Variants in POGZ observed in about 807,000 individuals in gnomAD.
POGZ encodes the protein pogo transposable element with ZNF domain.
A neutral mutation model predicts 134.6 loss-of-function variants in POGZ; 17 were observed. That is an observed-to-expected ratio of 0.13 (90% CI 0.09 to 0.19). POGZ has a LOEUF of 0.19. POGZ is among the 10% of genes least tolerant of loss of function. The pLI, the probability that POGZ is intolerant of heterozygous loss-of-function variation, is 1.00. For missense variants in POGZ, 1,306 were observed against 1,769.7 expected (o/e 0.74, Z 4.70); for synonymous variants, 693 against 657.1 (o/e 1.05, Z -0.84).
At chr1:151,443,915 T>C (rs570147854) in intron 1 of POGZ, among the ~76,000 whole-genome samples, 20 of 152,178 alleles carry the variant, frequency 1.3e-4, no homozygotes, top group Non-Finnish European at 2.2e-4. Flanking sequence ...GTCTTAGTAA[T>C]TCTGCTGCTA....
chr1:151,406,816 A>AC, intron 17 of POGZ, 95 bp downstream of exon 17: 1 of 1,017,884 alleles, frequency 9.8e-7, no homozygotes, highest in Non-Finnish European at 1.5e-6. Flanking sequence ...ACAGTGAATG[A>AC]GTGAGGCCAA....
intron 1 of POGZ, among the ~76,000 whole-genome samples, chr1:151,451,200 G>C (rs957285898): frequency 1.3e-5 from 2 of 150,510 alleles, no homozygotes; most frequent in African/African-American, 4.8e-5. Flanking sequence ...ATTCACATTA[G>C]TTATCAGCTG....
chr1:151,412,548 C>T (rs1202392297), intron 10 of POGZ, 152 bp from the exon 11 acceptor site: 1 of 585,930 alleles, frequency 1.7e-6, no homozygotes, highest in African/African-American at 1.9e-5. Flanking sequence ...ATGGCTCCAC[C>T]TTAACATATA....
chr1:151,434,553 T>C lies in POGZ; in HGVS notation c.284-3712A>G, dbSNP rs547749673. ...CCTCAGTGACAATTAATTCCATGAG[T>C]TTTCTTCTATACTTCAGACATCACA... On this transcript the variant is annotated intron_variant, in intron 3 of 18. Coordinates refer to ENST00000271715, the MANE Select transcript of POGZ (RefSeq NM_015100.4). Among the ~76,000 whole-genome samples the C allele has an allele frequency of 1.1e-4, 17 of 152,202 alleles. No individual in the cohort carries two copies. The South Asian group carries it at 3.5e-3, about 32-fold the overall frequency.
At position 151,403,588 on chromosome 1, in the gene POGZ, A is replaced by T; in HGVS notation, c.*1214T>A. 1 of 985,862 alleles carries T rather than the reference A, an allele frequency of 1.0e-6. No individual in the cohort carries two copies. The highest frequency in any genetic ancestry group is 1.7e-5 in the African/African-American group (1 of 57,360). The allele number at this position is 985,862 out of a possible 1,614,324, so 61.1% of individuals were successfully genotyped here. A position where few individuals can be genotyped will look rare whatever the true frequency, so the allele number is the denominator to read the frequency against. ...AAAATCCCTCATGCAAATTGTAGAA[A>T]AAATTTTCTTTCCTTGAAGCTGGCA... On this transcript the variant is annotated 3_prime_UTR_variant, in exon 19 of 19. Transcript: ENST00000271715.
chr1:151,442,190 G>T lies in POGZ; in HGVS notation c.15C>A (p.Asp5Glu). 6.2e-7 allele frequency: 1 copy of T among 1,613,526 alleles called. No homozygotes were observed. ...CCTCCTCCTCACATTCCATGAACAG[G>T]TCGGTGTCCGCCATGCTATAAGAAA... MADT[D>E]LFMECEEEEL... Residue 5 changes from aspartate to glutamate, a missense_variant, in exon 2 of 19, where the codon GAC (aspartate) becomes GAA (glutamate). Around this residue, in one of 10 missense-constraint regions of POGZ, gnomAD observed 6 missense variants for 23.9 expected, o/e 0.25. Transcript: ENST00000271715.
At chr1:151,408,892 T>C in intron 12 of POGZ, 64 bp from the exon 13 acceptor site, 7 of 1,462,912 alleles carry the variant, frequency 4.8e-6, no homozygotes, top group East Asian at 2.3e-5. Context: ...ATTTTCTTTT[T>C]TGAGGAGAAA....
At chr1:151,419,950 A>ACC (rs1656598760) in intron 10 of POGZ, among the ~76,000 whole-genome samples, 1 of 151,660 alleles carries the variant, frequency 6.6e-6, no homozygotes, top group East Asian at 1.9e-4. Context: ...AACAAAACCC[A>ACC]CCCCCCATAT....
chr1:151,408,838 G>C lies in POGZ; in HGVS notation c.1927-10C>G, dbSNP rs746858187. On this transcript the variant is annotated splice_polypyrimidine_tract_variant and intron_variant, in intron 12 of 18. Coordinates refer to ENST00000271715, the MANE Select transcript of POGZ (RefSeq NM_015100.4). ...GATAAACATTTCTCTTCTGAAGTGG[G>C]GGAGGGAAAAAAAGAGACAAAATCC... is the stretch of plus-strand genomic sequence containing the variant. The C allele has an allele frequency of 6.5e-7, 1 of 1,536,506 alleles. No individual in the cohort carries two copies. The highest frequency in any genetic ancestry group is 8.8e-7 in the Non-Finnish European group (1 of 1,132,418).
At position 151,405,388 on chromosome 1, in the gene POGZ, T is replaced by C; in HGVS notation, c.3647A>G (p.His1216Arg). ...ELWSTRVWQK[H>R]TACQRSKGML... The stretch of plus-strand genomic sequence containing the variant: ...GCCTTTGCTGCGCTGGCAAGCTGTG[T>C]GCTTCTGCCACACTCGAGTTGACCA... Residue 1216 changes from histidine (H) to arginine (R), a missense_variant, in exon 19 of 19, where the codon CAC becomes CGC. This residue lies in a region of POGZ where 161 missense variants were observed against 185.4 expected (regional missense o/e 0.87). Transcript: ENST00000271715. The surrounding 1 kb of genome is among the most constrained non-coding windows in gnomAD (Gnocchi z 4.9). 1.9e-6 allele frequency: 3 copies of C among 1,614,074 alleles called. No individual in the cohort carries two copies. Among genetic ancestry groups the C allele is most frequent in the South Asian group, 1.1e-5 (1 of 91,076 alleles).
chr1:151,442,984 C>T (rs775959155), intron 1 of POGZ, among the ~76,000 whole-genome samples: 1 of 152,004 alleles, frequency 6.6e-6, no homozygotes, highest in African/African-American at 2.4e-5. Flanking sequence ...GAGCCAAGAT[C>T]GCACCACTGC....
chr1:151,420,773 A>G (rs918530135), intron 10 of POGZ, among the ~76,000 whole-genome samples: 2 of 152,182 alleles, frequency 1.3e-5, no homozygotes, highest in African/African-American at 4.8e-5. Flanking sequence ...AATGGAGGAA[A>G]AAAGAATGAC....
intron 3 of POGZ, among the ~76,000 whole-genome samples, chr1:151,433,910 G>GGT (rs1276743283): frequency 5.3e-5 from 8 of 152,152 alleles, no homozygotes; most frequent in Non-Finnish European, 8.8e-5. Context: ...CTAGGGCAGT[G>GGT]GTATGCACCC....
At chr1:151,414,547 C>T (rs1418892634) in intron 10 of POGZ, among the ~76,000 whole-genome samples, 2 of 152,218 alleles carry the variant, frequency 1.3e-5, no homozygotes, top group Non-Finnish European at 2.9e-5. Flanking sequence ...CTTTGGGAGG[C>T]CAAGGCAGGC....
chr1:151,412,508 A>T, intron 10 of POGZ, 112 bp from the exon 11 acceptor site: 1 of 646,456 alleles, frequency 1.5e-6, no homozygotes, highest in Non-Finnish European at 2.8e-6. Flanking sequence ...ACAATCAGTA[A>T]ATCATAGGTC....
At chr1:151,457,102 G>A (rs542119289) in intron 1 of POGZ, among the ~76,000 whole-genome samples, 1 of 152,154 alleles carries the variant, frequency 6.6e-6, no homozygotes, top group East Asian at 1.9e-4. Flanking sequence ...GATCCCCATG[G>A]GTCATCTGTC....
chr1:151,430,001 G>C (rs1242023984), intron 4 of POGZ, among the ~76,000 whole-genome samples: 1 of 147,022 alleles, frequency 6.8e-6, no homozygotes, highest in African/African-American at 2.5e-5. Context: ...CAACAGACTG[G>C]CTCCCTAAAG....
chr1:151,441,234 C>G (rs1331474690), intron 2 of POGZ, 148 bp from the exon 3 acceptor site: 1 of 584,446 alleles, frequency 1.7e-6, no homozygotes, highest in African/African-American at 1.9e-5. Context: ...TGTGATTTCT[C>G]CTCCTACTTA....
At chr1:151,439,280 T>C (rs976198580) in intron 3 of POGZ, among the ~76,000 whole-genome samples, 2 of 152,212 alleles carry the variant, frequency 1.3e-5, no homozygotes, top group African/African-American at 2.4e-5. Context: ...TTTACATAAA[T>C]GGTTCCCCAT....
Sources: allele counts gnomAD v4.1 joint callset (sites outside exome capture counted in the v4.1 genomes callset), GRCh38; gene constraint gnomAD v4.1.1; regional missense constraint gnomAD v4.1.1; non-coding constraint Gnocchi (gnomAD v3.1); transcripts MANE v1.5; gene names NCBI Gene and HGNC (gene_info 2026-07-23, HGNC 2026-07-21).